The following SLC26A4 variants were observed in gnomAD, a reference collection of about 807,000 sequenced individuals.
SLC26A4 encodes solute carrier family 26 member 4, also known as pendrin.
Under a neutral mutation model 90.4 loss-of-function variants are expected in SLC26A4, and 93 were observed. The ratio of observed to expected loss-of-function variants is 1.03; its 90% CI spans 0.87 to 1.22. The LOEUF is 1.22. SLC26A4 is among the 50% of genes most tolerant of loss of function. The probability of loss-of-function intolerance (pLI) is 0.00; values close to 1 mark genes in which losing one functional copy is unlikely to be tolerated. For missense variants in SLC26A4, 1,127 were observed against 946.2 expected, an observed-to-expected ratio of 1.19 and a Z score of -2.51; for synonymous variants, 393 against 354.6, an observed-to-expected ratio of 1.11 and a Z score of -1.22.
At chr7:107,690,386 C>T (rs887447457) in intron 10 of SLC26A4, 149 bp downstream of exon 10, 2 of 670,482 alleles carry the variant, frequency 3.0e-6, no homozygotes, top group Admixed American at 2.2e-5. Flanking sequence ...CCTCTTGTTC[C>T]ACTCCCTCAC....
rs189418245 is a variant in SLC26A4, at chr7:107,683,101, G to A, written c.766-101G>A. On this transcript the variant is annotated intron_variant, in intron 6 of 20. Coordinates refer to ENST00000644269, the MANE Select transcript of SLC26A4 (RefSeq NM_000441.2). ...TGATGCTGATATCATGGTTTTTCAT[G>A]TGGGAAGATTCATATGAGAATTGAT... 1.1e-5 allele frequency: 10 copies of A among 877,050 alleles called. No homozygotes were observed. The East Asian group carries it at 1.3e-4, about 11-fold the overall frequency. The allele number at this position is 877,050 out of a possible 1,614,324, so 54.3% of individuals were successfully genotyped here.
intron 6 of SLC26A4, among the ~76,000 whole-genome samples, chr7:107,678,102 C>T (rs1791075903): frequency 6.6e-6 from 1 of 152,084 alleles, no homozygotes; most frequent in East Asian, 1.9e-4. Context: ...TTTTTGAGAC[C>T]TCTGACTGCC....
chr7:107,675,055 G>C lies in SLC26A4; in HGVS notation c.711G>C (p.Lys237Asn), dbSNP rs1790984032. Residue 237 changes from lysine to asparagine, a missense_variant, in exon 6 of 21, where the codon AAG (lysine) becomes AAC (asparagine). By Grantham distance (94) the Lys-to-Asn change is moderately conservative. Coordinates refer to ENST00000644269, the MANE Select transcript of SLC26A4 (RefSeq NM_000441.2). The stretch of plus-strand genomic sequence containing the variant: ...TCCAAGTGCTGGTCTCACAGCTAAA[G>C]ATTGTCCTCAATGTTTCAACCAAAA... ...AAFQVLVSQL[K>N]IVLNVSTKNY... 1 of 1,613,958 alleles carries C rather than the reference G, an allele frequency of 6.2e-7. No homozygotes were observed. Among genetic ancestry groups the C allele is most frequent in the Admixed American group, 1.7e-5 (1 of 59,994 alleles).
intron 10 of SLC26A4, among the ~76,000 whole-genome samples, chr7:107,690,465 C>T (rs1791537649): frequency 6.6e-6 from 1 of 152,170 alleles, no homozygotes; most frequent in South Asian, 2.1e-4. Flanking sequence ...TTTGTCAGTG[C>T]TTACCTGTCA....
rs121908365 is a variant in SLC26A4 at position 107,672,230 on chromosome 7, T to A, written c.397T>A (p.Ser133Thr). The change falls in exon 4 of 21, where the codon TCA becomes ACA. Residue 133 changes from serine to threonine, a missense_variant. Physicochemically the swap from Ser to Thr is moderately conservative, Grantham distance 58. Transcript: ENST00000644269. ...PILTYFIFGT[S>T]RHISVGPFPV... ...CCTGACATACTTTATCTTTGGAACATCAAGACATATCTCAGTTGGTAATTA... is the reference window on the plus strand; with the variant it reads ...CCTGACATACTTTATCTTTGGAACAACAAGACATATCTCAGTTGGTAATTA... 2.5e-6 allele frequency: 4 copies of A among 1,587,490 alleles called. No individual in the cohort carries two copies. Among genetic ancestry groups the A allele is most frequent in the Middle Eastern group, 1.7e-4 (1 of 6,006 alleles).
Position 107,661,340 on chromosome 7 carries a change from G to C in SLC26A4, c.-3-299G>C, listed in dbSNP as rs952636229. The C allele has an allele frequency of 1.3e-5, 7 of 522,742 alleles. No individual in the cohort carries two copies. In the East Asian group the frequency reaches 2.4e-4, roughly 18 times the overall value. The allele number at this position is 522,742 out of a possible 1,614,324, so 32.4% of individuals were successfully genotyped here. On this transcript the variant is annotated intron_variant, in intron 1 of 20. Transcript: ENST00000644269. The surrounding 1 kb of genome is among the most constrained non-coding windows in gnomAD (Gnocchi z 5.1). ...CTGGCTGCGGGCCATAGGGGACTGG[G>C]TGGAACTCGGGAAGCCCCCAGAGCA... is the stretch of plus-strand genomic sequence containing the variant.
At chr7:107,691,483 C>T (rs1330113345) in intron 10 of SLC26A4, among the ~76,000 whole-genome samples, 3 of 143,986 alleles carry the variant, frequency 2.1e-5, no homozygotes, top group Non-Finnish European at 3.0e-5. Flanking sequence ...GCCTGGGCGA[C>T]AAGAGCTAGA....
intron 8 of SLC26A4, among the ~76,000 whole-genome samples, chr7:107,687,995 A>C (rs1791465707): frequency 6.6e-6 from 1 of 152,208 alleles, no homozygotes. Flanking sequence ...CCTCACTGGT[A>C]GGGAGAGTAA....
chr7:107,691,848 CA>C, intron 10 of SLC26A4: 1 of 1,167,720 alleles, frequency 8.6e-7, no homozygotes. Context: ...GAGGCATAGC[CA>C]GAGATCTGTG....
Position 107,717,057 on chromosome 7 carries a change from T to C in SLC26A4, c.*1611T>C, listed in dbSNP as rs1792364097. 1 of 152,152 alleles carries C rather than the reference T, an allele frequency of 6.6e-6. No homozygotes were observed. The highest frequency in any genetic ancestry group is 2.4e-5 in the African/African-American group (1 of 41,426). 9.4% of individuals were successfully genotyped at this position (152,152 alleles called of 1,614,324 possible). On this transcript the variant is annotated 3_prime_UTR_variant, in exon 21 of 21. Coordinates refer to ENST00000644269, the MANE Select transcript of SLC26A4 (RefSeq NM_000441.2). ...TTGCTTATATTGACAACAAATCATC[T>C]CGCTAAAGAGTGAATGTAGGCCAGG... is the stretch of plus-strand genomic sequence containing the variant.
At chr7:107,678,912 T>C (rs1488419123) in intron 6 of SLC26A4, among the ~76,000 whole-genome samples, 1 of 152,204 alleles carries the variant, frequency 6.6e-6, no homozygotes, top group African/African-American at 2.4e-5. Flanking sequence ...AAGATTGTTG[T>C]AAAATACTTT....
intron 8 of SLC26A4, among the ~76,000 whole-genome samples, chr7:107,683,962 C>T (rs1392725466): frequency 1.3e-5 from 2 of 152,144 alleles, no homozygotes; most frequent in African/African-American, 2.4e-5. Context: ...ATTATATCCT[C>T]GTACCCATAA....
chr7:107,690,553 T>C (rs576571617), intron 10 of SLC26A4, among the ~76,000 whole-genome samples: 49 of 152,300 alleles, frequency 3.2e-4, no homozygotes, highest in African/African-American at 1.1e-3. Flanking sequence ...TTTGTTAATT[T>C]GTTACCTGGG....
In SLC26A4 at chr7:107,661,352, A is replaced by T; in HGVS notation, c.-3-287A>T. 1 of 538,362 alleles carries T rather than the reference A, an allele frequency of 1.9e-6. No homozygotes were observed. The allele number at this position is 538,362 out of a possible 1,614,324, so 33.3% of individuals were successfully genotyped here. A position where few individuals can be genotyped will look rare whatever the true frequency, so the allele number is the denominator to read the frequency against. On this transcript the variant is annotated intron_variant, in intron 1 of 20. Transcript: ENST00000644269. This position sits in a 1 kb window ranked among gnomAD's most constrained non-coding sequence, Gnocchi z 5.1. The stretch of plus-strand genomic sequence containing the variant: ...CATAGGGGACTGGGTGGAACTCGGG[A>T]AGCCCCCAGAGCAGGGGCTTACTCG...
chr7:107,662,126 G>C lies in SLC26A4; in HGVS notation c.164+321G>C, dbSNP rs546966547. 8.4e-5 allele frequency: 36 copies of C among 427,538 alleles called. No individual in the cohort carries two copies. The South Asian group carries it at 9.3e-4, about 11-fold the overall frequency. The allele number at this position is 427,538 out of a possible 1,614,324, so 26.5% of individuals were successfully genotyped here. The stretch of plus-strand genomic sequence containing the variant: ...GCCTCTTGGGGTACAGTGGGTCCCT[G>C]TTGCCTTCTTGGGAGCTTGTTTAAA... On this transcript the variant is annotated intron_variant, in intron 2 of 20. Transcript: ENST00000644269.
At chr7:107,702,684 C>CAAAAAAAAAAAAAAAAAA (rs11462799) in intron 17 of SLC26A4, among the ~76,000 whole-genome samples, 1 of 99,252 alleles carries the variant, frequency 1.0e-5, no homozygotes, top group Non-Finnish European at 2.0e-5. Flanking sequence ...GACTTCATCT[C>CAAAAAAAAAAAAAAAAAA]AAAAAAAAAA....
In SLC26A4 at chr7:107,661,635, G is replaced by C. The variant is rs770457945; in HGVS notation, c.-3-4G>C. On this transcript the variant is annotated splice_region_variant and splice_polypyrimidine_tract_variant and intron_variant, in intron 1 of 20. Transcript: ENST00000644269. This position sits in a 1 kb window ranked among gnomAD's most constrained non-coding sequence, Gnocchi z 5.1. ...CTCCCTCCTCGCTGTCCTCTGGCTCGCAGGTCATGGCAGCGCCAGGCGGCA... is the reference window on the plus strand; with the variant it reads ...CTCCCTCCTCGCTGTCCTCTGGCTCCCAGGTCATGGCAGCGCCAGGCGGCA... 22 of 1,557,718 alleles carry C rather than the reference G, an allele frequency of 1.4e-5. 1 individual carries two copies. The South Asian group carries it at 2.6e-4, about 18-fold the overall frequency.
chr7:107,706,050 C>T (rs751095035), intron 18 of SLC26A4, among the ~76,000 whole-genome samples: 11 of 152,182 alleles, frequency 7.2e-5, no homozygotes, highest in Non-Finnish European at 1.6e-4. Flanking sequence ...AAGAATCCAG[C>T]TCAGTCTACA....
chr7:107,698,031 T>G lies in SLC26A4; in HGVS notation c.1545-11T>G, dbSNP rs775807555. On this transcript the variant is annotated splice_polypyrimidine_tract_variant and intron_variant, in intron 13 of 20. Transcript: ENST00000644269. ...TCCAAAAAATCTTGACCTTGATATTTTTTCTTCTAGTCCTTCTTGGAATGG... is the reference window on the plus strand; with the variant it reads ...TCCAAAAAATCTTGACCTTGATATTGTTTCTTCTAGTCCTTCTTGGAATGG... 1 of 1,588,974 alleles carries G rather than the reference T, an allele frequency of 6.3e-7. No homozygotes were observed. The highest frequency in any genetic ancestry group is 8.6e-7 in the Non-Finnish European group (1 of 1,157,214).
Sources: allele counts gnomAD v4.1 joint callset (sites outside exome capture counted in the v4.1 genomes callset), GRCh38; gene constraint gnomAD v4.1.1; non-coding constraint Gnocchi (gnomAD v3.1); transcripts MANE v1.5; gene names NCBI Gene and HGNC (gene_info 2026-07-23, HGNC 2026-07-21).